NEK7: variants seen among roughly 807,000 people sequenced by gnomAD.
NEK7 encodes NIMA related kinase 7.
Under a neutral mutation model 44.6 loss-of-function variants are expected in NEK7, and 18 were observed. The observed-to-expected ratio is 0.40, with a 90% confidence interval of 0.28 to 0.60. NEK7 has a LOEUF of 0.60. Among genes scored for constraint, NEK7 ranks in the 20% least tolerant of loss-of-function variants. The pLI, the probability that NEK7 is intolerant of heterozygous loss-of-function variation, is 0.38. For missense variants in NEK7, 256 were observed against 366.5 expected, an observed-to-expected ratio of 0.70 and a Z score of 2.46; for synonymous variants, 130 against 121.1, an observed-to-expected ratio of 1.07 and a Z score of -0.48.
rs569844730 is a variant in NEK7 at position 198,192,331 on chromosome 1, A to AT, written c.-29+35066dup. 5.3e-3 allele frequency among the ~76,000 whole-genome samples: 708 copies of AT among 133,352 alleles called. 6 individuals are homozygous for AT. Among genetic ancestry groups the AT allele is most frequent in the African/African-American group, 0.018 (639 of 36,122 alleles). 87.5% of individuals were successfully genotyped at this position (133,352 alleles called of 152,430 possible). A position where few individuals can be genotyped will look rare whatever the true frequency, so the allele number is the denominator to read the frequency against. On this transcript the variant is annotated intron_variant, in intron 1 of 9. Transcript: ENST00000367385. ...ACCATAGATTTGTCTATTTTTATTA[A>AT]TTTTTTTTTTTAAAGAACCAGCTTT...
At chr1:198,168,088 T>A (rs1664323377) in intron 1 of NEK7, among the ~76,000 whole-genome samples, 1 of 152,226 alleles carries the variant, frequency 6.6e-6, no homozygotes, top group Non-Finnish European at 1.5e-5. Flanking sequence ...CCCCTTCTCT[T>A]TATTTATTAT....
At chr1:198,279,853 C>T (rs1460960468) in intron 7 of NEK7, among the ~76,000 whole-genome samples, 1 of 151,912 alleles carries the variant, frequency 6.6e-6, no homozygotes, top group Non-Finnish European at 1.5e-5. Context: ...ACCTAAGGTT[C>T]CGTGTGGCCT....
At chr1:198,309,582 A>G (rs1474552122) in intron 9 of NEK7, among the ~76,000 whole-genome samples, 1 of 151,670 alleles carries the variant, frequency 6.6e-6, no homozygotes, top group Non-Finnish European at 1.5e-5. Context: ...TCCCAATGCT[A>G]TCCCTCCCTC....
At chr1:198,194,498 T>TGTTGTTTCCCTCTTTATGTGTCC (rs1665174202) in intron 1 of NEK7, among the ~76,000 whole-genome samples, 1 of 151,202 alleles carries the variant, frequency 6.6e-6, no homozygotes, top group Admixed American at 6.6e-5. Context: ...TCTATGTGTC[T>TGTTGTTTCCCTCTTTATGTGTCC]GTTGTTTCCC....
chr1:198,208,542 T>G (rs1468020595), intron 1 of NEK7: 1 of 152,124 alleles, frequency 6.6e-6, no homozygotes, highest in Non-Finnish European at 1.5e-5. Flanking sequence ...ACGCCCAGTT[T>G]ATTATTTTTA....
intron 1 of NEK7, among the ~76,000 whole-genome samples, chr1:198,217,389 C>A (rs918016597): frequency 4.8e-5 from 7 of 147,340 alleles, no homozygotes; most frequent in African/African-American, 1.0e-4. Context: ...TAAAAGCCAG[C>A]ATCTCCTTAT....
chr1:198,161,334 C>T (rs180933266), intron 1 of NEK7, among the ~76,000 whole-genome samples: 2 of 152,196 alleles, frequency 1.3e-5, no homozygotes, highest in East Asian at 3.9e-4. Context: ...ATATTTCTGG[C>T]TTTGTGAGCC....
chr1:198,300,942 C>T (rs1319436692), intron 9 of NEK7, among the ~76,000 whole-genome samples: 1 of 152,106 alleles, frequency 6.6e-6, no homozygotes, highest in African/African-American at 2.4e-5. Context: ...GCCAGGTGTC[C>T]ATTTACTGGG....
chr1:198,253,320 G>A (rs1653139144), intron 3 of NEK7, 140 bp downstream of exon 3: 2 of 571,878 alleles, frequency 3.5e-6, no homozygotes, highest in Non-Finnish European at 3.0e-6. Context: ...TATTTTAAAA[G>A]CCAGAAACAA....
chr1:198,158,910 A>G (rs558982088), intron 1 of NEK7, among the ~76,000 whole-genome samples: 1 of 151,996 alleles, frequency 6.6e-6, no homozygotes, highest in South Asian at 2.1e-4. Context: ...AGCTTTGAAA[A>G]AGCTTTGCCT....
intron 8 of NEK7, 26 bp from the exon 9 acceptor site, chr1:198,297,101 T>A: frequency 7.1e-7 from 1 of 1,411,430 alleles, no homozygotes; most frequent in Non-Finnish European, 1.0e-6. Flanking sequence ...TCTAACTATA[T>A]CAGTTTCATT....
At position 198,293,019 on chromosome 1, in the gene NEK7, CT is replaced by C; in HGVS notation, c.666del (p.Gly223AlafsTer19). On this transcript the variant is annotated frameshift_variant, in exon 8 of 10. Coordinates refer to ENST00000367385, the MANE Select transcript of NEK7 (RefSeq NM_133494.3). LOFTEE classifies it high-confidence loss of function. ...CAACTTCAAATCTGACATCTGGTCT[CT>C]TGGCTGTCTACTATATGAGGTAGGT... ...GYNFKSDIWS[L>X]GCLLYEMAAL... is the part of the protein sequence containing the mutation. 6.4e-7 allele frequency: 1 copy of C among 1,571,134 alleles called. No homozygotes were observed. Among genetic ancestry groups the C allele is most frequent in the Non-Finnish European group, 8.8e-7 (1 of 1,141,368 alleles).
chr1:198,172,797 C>T (rs1664488108), intron 1 of NEK7, among the ~76,000 whole-genome samples: 1 of 151,344 alleles, frequency 6.6e-6, no homozygotes, highest in South Asian at 2.1e-4. Context: ...GAAATATTAA[C>T]CACATCAGCT....
At chr1:198,229,293 C>T (rs1666317700) in intron 1 of NEK7, among the ~76,000 whole-genome samples, 2 of 152,244 alleles carry the variant, frequency 1.3e-5, no homozygotes, top group South Asian at 4.2e-4. Context: ...AGCTCTGCAA[C>T]CCTTCCCTCA....
intron 1 of NEK7, among the ~76,000 whole-genome samples, chr1:198,204,713 G>A (rs1325893194): frequency 5.7e-5 from 6 of 105,602 alleles, no homozygotes; most frequent in African/African-American, 8.0e-5. Flanking sequence ...GCGAGACTCC[G>A]TCTCAAAAAA....
intron 9 of NEK7, among the ~76,000 whole-genome samples, chr1:198,300,253 C>T (rs540670880): frequency 6.6e-6 from 1 of 152,226 alleles, no homozygotes; most frequent in South Asian, 2.1e-4. Flanking sequence ...GACAGTGAAG[C>T]AAACATTTTC....
chr1:198,208,436 AGTG>A (rs1360325435), intron 1 of NEK7: 1 of 143,658 alleles, frequency 7.0e-6, no homozygotes, highest in Non-Finnish European at 1.5e-5. Flanking sequence ...TCTGAAATGC[AGTG>A]GTACGACTGG....
intron 2 of NEK7, among the ~76,000 whole-genome samples, chr1:198,252,332 TG>T (rs1653040044): frequency 6.6e-6 from 1 of 151,642 alleles, no homozygotes; most frequent in Admixed American, 6.6e-5. Context: ...GGTGTGGTGC[TG>T]AAAAAAATGT....
intron 2 of NEK7, among the ~76,000 whole-genome samples, chr1:198,250,227 C>G (rs1339439887): frequency 6.8e-6 from 1 of 146,190 alleles, no homozygotes; most frequent in Non-Finnish European, 1.5e-5. Flanking sequence ...CTGTTCTGTT[C>G]CATTGGTCTA....
Sources: gnomAD v4.1 joint callset for allele counts (sites outside exome capture counted in the v4.1 genomes callset) on GRCh38, gnomAD v4.1.1 for gene constraint, MANE v1.5 for transcripts, NCBI Gene and HGNC (gene_info 2026-07-23, HGNC 2026-07-21) for gene names.